The following TRRAP variants were observed in gnomAD, a reference collection of about 807,000 sequenced individuals.
TRRAP encodes the protein transformation/transcription domain associated protein, also known as transformation/transcription domain-associated protein.
Under a neutral mutation model 438.8 loss-of-function variants are expected in TRRAP, and 41 were observed. That is an observed-to-expected ratio of 0.09 (90% CI 0.07 to 0.12). The LOEUF (loss-of-function observed/expected upper bound fraction) is 0.12, where lower values mean the gene tolerates loss of function less well. TRRAP is among the 10% of genes least tolerant of loss of function. The pLI is 1.00. For synonymous variants in TRRAP, 1,994 were observed against 1,962.9 expected, an observed-to-expected ratio of 1.02 and a Z score of -0.42; for missense variants, 3,122 against 5,055.1, an observed-to-expected ratio of 0.62 and a Z score of 11.60.
chr7:98,914,073 C>T (rs1424442578), intron 18 of TRRAP, among the ~76,000 whole-genome samples: 1 of 152,132 alleles, frequency 6.6e-6, no homozygotes, highest in African/African-American at 2.4e-5. Flanking sequence ...TTATCAACAA[C>T]CTTAACTTTT....
rs10487143 is a variant in TRRAP, at chr7:98,892,890, G to C, written c.366+362G>C. Among the ~76,000 whole-genome samples the C allele has an allele frequency of 5.4e-3, 829 of 152,236 alleles. 3 individuals carry two copies. The highest frequency in any genetic ancestry group is 0.018 in the African/African-American group (734 of 41,526). ...CACACCTAGTACATGCTCATAAAGA[G>C]TATCTCACATCCTTGGGGTGAATCC... is the stretch of plus-strand genomic sequence containing the variant. On this transcript the variant is annotated intron_variant, in intron 5 of 72. Coordinates refer to ENST00000456197, the MANE Select transcript of TRRAP (RefSeq NM_001375524.1).
chr7:98,902,533 A>G (rs1331356593), intron 11 of TRRAP, among the ~76,000 whole-genome samples: 1 of 152,168 alleles, frequency 6.6e-6, no homozygotes, highest in Non-Finnish European at 1.5e-5. Context: ...AGCATTTGTA[A>G]TCTTTTCCCC....
intron 14 of TRRAP, 106 bp from the exon 15 acceptor site, chr7:98,909,950 G>C: frequency 6.9e-7 from 1 of 1,453,640 alleles, no homozygotes; most frequent in Non-Finnish European, 9.0e-7. Context: ...AGCATGACTT[G>C]AGCAGCTGGT....
rs150923207 is a variant in TRRAP, at chr7:98,908,499, G to A, written c.1116-229G>A. ...CAGCATCTATTAGTAACTTTATGAC[G>A]TGCACAAAGTTAACCTTTTAGCTTG... On this transcript the variant is annotated intron_variant, in intron 13 of 72. Transcript: ENST00000456197. The surrounding 1 kb of genome is among the most constrained non-coding windows in gnomAD (Gnocchi z 4.1). Among the ~76,000 whole-genome samples the A allele has an allele frequency of 1.4e-3, 209 of 152,264 alleles. 1 individual carries two copies. Among genetic ancestry groups the A allele is most frequent in the African/African-American group, 4.4e-3 (182 of 41,544 alleles).
At chr7:98,937,421 C>T (rs375230674) in intron 29 of TRRAP, 144 bp downstream of exon 29, 1 of 1,245,190 alleles carries the variant, frequency 8.0e-7, no homozygotes, top group Non-Finnish European at 1.1e-6. Flanking sequence ...ACACACTAAA[C>T]TGTAATAAGA....
At chr7:98,964,428 T>C (rs1019579561) in intron 47 of TRRAP, among the ~76,000 whole-genome samples, 4 of 152,194 alleles carry the variant, frequency 2.6e-5, no homozygotes, top group Non-Finnish European at 5.9e-5. Context: ...TTCATGATGA[T>C]TTGATCTAGT....
At chr7:98,955,374 T>G in intron 41 of TRRAP, 70 bp downstream of exon 41, 2 of 1,461,364 alleles carry the variant, frequency 1.4e-6, no homozygotes, top group Non-Finnish European at 1.8e-6. Context: ...TTACCTTGTC[T>G]TGTTCTGCAA....
At chr7:98,963,937 C>T (rs766004314) in intron 47 of TRRAP, among the ~76,000 whole-genome samples, 11 of 151,736 alleles carry the variant, frequency 7.2e-5, no homozygotes, top group Non-Finnish European at 7.4e-5. Flanking sequence ...AAAAATTAGC[C>T]GGGCGTGGTG....
chr7:98,962,207 C>T (rs1281923792), intron 46 of TRRAP, 95 bp from the exon 47 acceptor site: 1 of 1,585,052 alleles, frequency 6.3e-7, no homozygotes, highest in African/African-American at 1.3e-5. Flanking sequence ...GCCAATCCCT[C>T]CTGATACCCA....
chr7:99,003,656 C>G (rs893943544), intron 67 of TRRAP, among the ~76,000 whole-genome samples: 2 of 152,210 alleles, frequency 1.3e-5, no homozygotes, highest in Non-Finnish European at 2.9e-5. Context: ...GCTGGTGGTT[C>G]CTCTCTTCCT....
At chr7:98,989,005 G>C (rs776282852) in intron 63 of TRRAP, 39 bp downstream of exon 63, 10 of 1,585,886 alleles carry the variant, frequency 6.3e-6, no homozygotes, top group African/African-American at 5.4e-5. Context: ...GAGGCCATCT[G>C]TCACCTTCAG....
chr7:98,906,251 C>G lies in TRRAP; in HGVS notation c.1111C>G (p.Leu371Val). 6.2e-7 allele frequency: 1 copy of G among 1,613,614 alleles called. No individual in the cohort carries two copies. The highest frequency in any genetic ancestry group is 8.5e-7 in the Non-Finnish European group (1 of 1,179,702). The change falls in exon 13 of 73, where the codon CTA (leucine) becomes GTA (valine). Residue 371 changes from leucine (L) to valine (V), a missense_variant. This residue lies in a region of TRRAP where 343 missense variants were observed against 564.0 expected (regional missense o/e 0.61). Coordinates refer to ENST00000456197, the MANE Select transcript of TRRAP (RefSeq NM_001375524.1). ...CTCAGGATATACTGCCAGAGAGACT[C>G]TAAGGTATGAGATTAAACCAGTGAT... ...IGSGYTARET[L>V]RPLAYSTLAD... is the part of the protein sequence containing the mutation.
chr7:98,914,242 A>T (rs6465732), intron 18 of TRRAP, among the ~76,000 whole-genome samples: 58,328 of 150,902 alleles, frequency 0.39, 13,584 homozygotes, highest in Non-Finnish European at 0.51. Context: ...AAAATAATTT[A>T]AAAAAAAATT....
intron 23 of TRRAP, among the ~76,000 whole-genome samples, chr7:98,927,736 C>G (rs1790117069): frequency 6.6e-6 from 1 of 152,114 alleles, no homozygotes; most frequent in African/African-American, 2.4e-5. Context: ...AGAAACTTCT[C>G]CATCACCTGC....
intron 63 of TRRAP, among the ~76,000 whole-genome samples, 184 bp downstream of exon 63, chr7:98,989,150 C>G (rs757970604): frequency 2.1e-4 from 32 of 152,202 alleles, no homozygotes; most frequent in Admixed American, 8.5e-4. Context: ...AAAACTGAGG[C>G]CTGGACACTC....
chr7:98,994,797 G>T lies in TRRAP; in HGVS notation c.10258G>T (p.Ala3420Ser). The change falls in exon 67 of 73, where the codon GCC becomes TCC. Residue 3420 changes from alanine (A) to serine (S), a missense_variant. Transcript: ENST00000456197. The surrounding 1 kb of genome is among the most constrained non-coding windows in gnomAD (Gnocchi z 4.8). ...TGAGTCTCTGGCCCGGCGGGCGCAG[G>T]CCACTGCACAAGACCCTGTCTTTCA... The part of the protein sequence containing the change: ...ASESLARRAQ[A>S]TAQDPVFQKL... 1 of 1,614,160 alleles carries T rather than the reference G, an allele frequency of 6.2e-7. No individual in the cohort carries two copies. Among genetic ancestry groups the T allele is most frequent in the Non-Finnish European group, 8.5e-7 (1 of 1,179,988 alleles).
Position 98,955,179 on chromosome 7 carries a change from G to T in TRRAP, c.5812G>T (p.Val1938Leu), listed in dbSNP as rs1554419292. Residue 1938 changes from valine (V) to leucine (L), a missense_variant, in exon 41 of 73, where the codon GTG becomes TTG. Physicochemically the swap from Val to Leu is conservative, Grantham distance 32. This residue lies in a region of TRRAP where 35 missense variants were observed against 104.9 expected (regional missense o/e 0.33). Coordinates refer to ENST00000456197, the MANE Select transcript of TRRAP (RefSeq NM_001375524.1). ...GGCGATGGCCATTCTGACCCCGGCG[G>T]TGCCGGCCAGGATGGAGGACGGGCA... ...RQAMAILTPA[V>L]PARMEDGHQM... is the part of the protein sequence containing the mutation. The T allele has an allele frequency of 6.2e-7, 1 of 1,614,078 alleles. No individual in the cohort carries two copies. Among genetic ancestry groups the T allele is most frequent in the Non-Finnish European group, 8.5e-7 (1 of 1,180,052 alleles).
chr7:98,881,072 CTA>C lies in TRRAP; in HGVS notation c.-61-16_-61-15del. The C allele has an allele frequency of 1.6e-6, 2 of 1,264,954 alleles. No homozygotes were observed. The highest frequency in any genetic ancestry group is 2.2e-6 in the Non-Finnish European group (2 of 906,430). 78.4% of individuals were successfully genotyped at this position (1,264,954 alleles called of 1,614,324 possible). ...TGTGCCCTCCATAAATTGACTAACT[CTA>C]TGCTTCTTTTCATAGGCTGGTTGAA... On this transcript the variant is annotated splice_polypyrimidine_tract_variant and intron_variant, in intron 1 of 72. Coordinates refer to ENST00000456197, the MANE Select transcript of TRRAP (RefSeq NM_001375524.1).
Position 98,958,224 on chromosome 7 carries a change from A to G in TRRAP, c.6342+133A>G, listed in dbSNP as rs1791717583. 4 of 707,156 alleles carry G rather than the reference A, an allele frequency of 5.7e-6. No individual in the cohort carries two copies. In the East Asian group the frequency reaches 1.2e-4, roughly 20 times the overall value. 43.8% of individuals were successfully genotyped at this position (707,156 alleles called of 1,614,324 possible). A position where few individuals can be genotyped will look rare whatever the true frequency, so the allele number is the denominator to read the frequency against. On this transcript the variant is annotated intron_variant, in intron 44 of 72. Coordinates refer to ENST00000456197, the MANE Select transcript of TRRAP (RefSeq NM_001375524.1). ...CCAAGGTCTGCCAGCTGGTTCTGTC[A>G]TTTTCGTATCAACTGCACTTGATTT...
Sources: allele counts gnomAD v4.1 joint callset (sites outside exome capture counted in the v4.1 genomes callset), GRCh38; gene constraint gnomAD v4.1.1; regional missense constraint gnomAD v4.1.1; non-coding constraint Gnocchi (gnomAD v3.1); transcripts MANE v1.5; gene names NCBI Gene and HGNC (gene_info 2026-07-23, HGNC 2026-07-21).